Variants in RBFOX1 observed in about 807,000 individuals in gnomAD.
RBFOX1 encodes RNA binding fox-1 homolog 1.
Under a neutral mutation model 57.7 loss-of-function variants are expected in RBFOX1, and 8 were observed. The observed-to-expected ratio is 0.14, with a 90% CI of 0.08 to 0.25. RBFOX1 has a LOEUF of 0.25. RBFOX1 is among the 10% of genes least tolerant of loss of function. RBFOX1 has a pLI of 1.00. For synonymous variants in RBFOX1, 326 were observed against 222.4 expected (o/e 1.47, Z -4.15); for missense variants, 611 against 548.5 (o/e 1.11, Z -1.14).
chr16:5,244,598 T>G (rs2062249165), intron 1 of RBFOX1, among the ~76,000 whole-genome samples: 1 of 152,236 alleles, frequency 6.6e-6, no homozygotes, highest in South Asian at 2.1e-4. Context: ...ATATAGATAT[T>G]TCCCTGGCAA....
At chr16:6,174,976 T>G (rs1299775246) in intron 1 of RBFOX1, among the ~76,000 whole-genome samples, 2 of 152,210 alleles carry the variant, frequency 1.3e-5, no homozygotes, top group African/African-American at 4.8e-5. Context: ...CTGTGTGACC[T>G]TGAGCAAGGT....
chr16:5,449,432 A>G (rs891603946), intron 1 of RBFOX1, among the ~76,000 whole-genome samples: 1 of 152,098 alleles, frequency 6.6e-6, no homozygotes, highest in Admixed American at 6.5e-5. Flanking sequence ...GTATATTGTC[A>G]TGATTCTTTG....
intron 1 of RBFOX1, among the ~76,000 whole-genome samples, chr16:5,374,934 A>G (rs553487657): frequency 2.0e-5 from 3 of 152,022 alleles, no homozygotes; most frequent in South Asian, 4.1e-4. Context: ...TGTGTTTACT[A>G]TCCAGCCTTC....
intron 1 of RBFOX1, among the ~76,000 whole-genome samples, chr16:6,111,583 G>T (rs1473813035): frequency 6.6e-6 from 1 of 152,198 alleles, no homozygotes; most frequent in East Asian, 1.9e-4. Flanking sequence ...CAGGACTATG[G>T]CTTTTGACAA....
At chr16:5,991,495 C>T (rs568937505) in intron 4 of RBFOX1, among the ~76,000 whole-genome samples, 3 of 152,014 alleles carry the variant, frequency 2.0e-5, no homozygotes, top group Non-Finnish European at 2.9e-5. Flanking sequence ...CTCTGGAGAC[C>T]TTTACGGAAG....
intron 2 of RBFOX1, among the ~76,000 whole-genome samples, chr16:6,496,260 C>G (rs898050377): frequency 5.9e-5 from 9 of 152,118 alleles, no homozygotes; most frequent in African/African-American, 1.9e-4. Flanking sequence ...GTGACAGTGA[C>G]CACTCTGAAA....
chr16:5,856,038 A>C (rs900450122), intron 3 of RBFOX1, among the ~76,000 whole-genome samples: 10 of 111,094 alleles, frequency 9.0e-5, no homozygotes, highest in Admixed American at 6.0e-4. Flanking sequence ...TCTTTCCAGT[A>C]GTTCATTCTT....
intron 3 of RBFOX1, among the ~76,000 whole-genome samples, chr16:6,916,280 C>A (rs577804118): frequency 6.6e-6 from 1 of 152,114 alleles, no homozygotes; most frequent in African/African-American, 2.4e-5. Flanking sequence ...ACTGTTGTTT[C>A]CACAGGATAC....
chr16:5,711,634 TG>T (rs2051491731), intron 3 of RBFOX1, among the ~76,000 whole-genome samples: 2 of 152,196 alleles, frequency 1.3e-5, no homozygotes, highest in African/African-American at 4.8e-5. Flanking sequence ...GAGATGGGAC[TG>T]GGGAGGTGAA....
intron 4 of RBFOX1, among the ~76,000 whole-genome samples, chr16:7,265,960 T>A (rs201458943): frequency 0.091 from 8,898 of 97,528 alleles, 371 homozygotes; most frequent in African/African-American, 0.12. Context: ...TCTGGTGGGT[T>A]TTTGTTTTTT....
chr16:7,430,659 C>A (rs201424106), intron 4 of RBFOX1, among the ~76,000 whole-genome samples: 105 of 138,722 alleles, frequency 7.6e-4, no homozygotes, highest in East Asian at 1.1e-3. Context: ...GACTCCATCT[C>A]AAAAAAAAAA....
chr16:6,696,008 A>C (rs2060987759), intron 3 of RBFOX1, among the ~76,000 whole-genome samples: 1 of 152,192 alleles, frequency 6.6e-6, no homozygotes, highest in African/African-American at 2.4e-5. Context: ...TGATTTCTAC[A>C]GCGTATCCAC....
chr16:7,011,462 G>T (rs191209877), intron 3 of RBFOX1, among the ~76,000 whole-genome samples: 1 of 152,190 alleles, frequency 6.6e-6, no homozygotes, highest in Admixed American at 6.5e-5. Context: ...ATTTTTGTTT[G>T]TTTGTTTTTG....
At chr16:5,281,417 A>C (rs2063268797) in intron 1 of RBFOX1, among the ~76,000 whole-genome samples, 1 of 152,170 alleles carries the variant, frequency 6.6e-6, no homozygotes, top group Non-Finnish European at 1.5e-5. Flanking sequence ...TGGATGAAAT[A>C]TTCTGAAAAT....
chr16:6,906,044 C>G (rs1036768369), intron 3 of RBFOX1, among the ~76,000 whole-genome samples: 10 of 152,168 alleles, frequency 6.6e-5, no homozygotes, highest in African/African-American at 2.4e-4. Flanking sequence ...CCAGTAGAAT[C>G]AGGAACAGTG....
chr16:5,827,363 G>T (rs1217978025), intron 3 of RBFOX1, among the ~76,000 whole-genome samples: 1 of 139,376 alleles, frequency 7.2e-6, no homozygotes, highest in Non-Finnish European at 1.5e-5. Flanking sequence ...TCGTGCCACT[G>T]CACTCCAACC....
At chr16:7,191,207 A>G (rs2085297183) in intron 4 of RBFOX1, among the ~76,000 whole-genome samples, 1 of 152,156 alleles carries the variant, frequency 6.6e-6, no homozygotes, top group African/African-American at 2.4e-5. Context: ...TTTAATATGG[A>G]ACTTTGTCTT....
chr16:6,610,254 C>G (rs904100996), intron 2 of RBFOX1, among the ~76,000 whole-genome samples: 4 of 152,020 alleles, frequency 2.6e-5, no homozygotes, highest in Non-Finnish European at 5.9e-5. Flanking sequence ...GTTGTAAAAA[C>G]AATAATAAAG....
chr16:7,135,303 T>G (rs942100715), intron 4 of RBFOX1, among the ~76,000 whole-genome samples: 5 of 152,290 alleles, frequency 3.3e-5, no homozygotes, highest in African/African-American at 1.2e-4. Flanking sequence ...TTAGAGAGAC[T>G]CCACATTATT....
Sources: gnomAD v4.1 joint callset for allele counts (sites outside exome capture counted in the v4.1 genomes callset) on GRCh38, gnomAD v4.1.1 for gene constraint, MANE v1.5 for transcripts, NCBI Gene and HGNC (gene_info 2026-07-23, HGNC 2026-07-21) for gene names.